CAMKMT: variants seen among roughly 807,000 people sequenced by gnomAD.
CAMKMT encodes the protein calmodulin-lysine N-methyltransferase.
CAMKMT carries 53 observed loss-of-function variants against 48.0 expected under a neutral mutation model. That is an observed-to-expected ratio of 1.10 (90% CI 0.89 to 1.39). The LOEUF is 1.39. Among genes scored for constraint, CAMKMT ranks in the 40% most tolerant of loss-of-function variants. The probability of loss-of-function intolerance (pLI) is 0.00; values close to 1 mark genes in which losing one functional copy is unlikely to be tolerated. For missense variants in CAMKMT, 428 were observed against 402.7 expected (o/e 1.06, Z -0.54); for synonymous variants, 165 against 152.3 (o/e 1.08, Z -0.61).
chr2:44,378,938 A>G (rs746548603), intron 2 of CAMKMT, among the ~76,000 whole-genome samples: 1 of 152,200 alleles, frequency 6.6e-6, no homozygotes, highest in Non-Finnish European at 1.5e-5. Flanking sequence ...AAAATTTGCT[A>G]TTTTAATCAC....
At chr2:44,753,088 T>C (rs1680217143) in intron 8 of CAMKMT, among the ~76,000 whole-genome samples, 1 of 151,258 alleles carries the variant, frequency 6.6e-6, no homozygotes, top group African/African-American at 2.4e-5. Flanking sequence ...AGATCAGGGA[T>C]GGAAAATGAA....
intron 7 of CAMKMT, among the ~76,000 whole-genome samples, chr2:44,740,507 A>G (rs1679617959): frequency 6.6e-6 from 1 of 152,190 alleles, no homozygotes; most frequent in Admixed American, 6.5e-5. Flanking sequence ...TAGTGTCAGA[A>G]TTTTGAAGGG....
intron 3 of CAMKMT, among the ~76,000 whole-genome samples, chr2:44,634,590 C>A (rs1673014413): frequency 6.6e-6 from 1 of 151,854 alleles, no homozygotes; most frequent in Admixed American, 6.6e-5. Flanking sequence ...GTGCTAGGTA[C>A]CATGCCAGGA....
At chr2:44,531,015 T>C (rs1666455384) in intron 3 of CAMKMT, among the ~76,000 whole-genome samples, 1 of 152,058 alleles carries the variant, frequency 6.6e-6, no homozygotes, top group Non-Finnish European at 1.5e-5. Context: ...TACATATATG[T>C]ATTAATAATT....
In CAMKMT at chr2:44,704,315, T is replaced by G; in HGVS notation, c.409T>G (p.Tyr137Asp). 3 of 1,610,812 alleles carry G rather than the reference T, an allele frequency of 1.9e-6. No homozygotes were observed. Among genetic ancestry groups the G allele is most frequent in the Non-Finnish European group, 2.5e-6 (3 of 1,178,222 alleles). The change falls in exon 4 of 11, where the codon TAC becomes GAC. Residue 137 changes from tyrosine to aspartate, a missense_variant. By Grantham distance (160) the Tyr-to-Asp change is radical (BLOSUM62 -3). Coordinates refer to ENST00000378494, the MANE Select transcript of CAMKMT (RefSeq NM_024766.5). The part of the protein sequence containing the change: ...IWPSEEVLAY[Y>D]CLKHNNIFRA... ...GCCATCTGAAGAGGTTTTGGCTTAC[T>G]ACTGCCTCAAGCACAATAATATATT...
intron 3 of CAMKMT, among the ~76,000 whole-genome samples, chr2:44,433,539 G>C (rs1684773865): frequency 6.6e-6 from 1 of 152,020 alleles, no homozygotes; most frequent in African/African-American, 2.4e-5. Context: ...ATGAGAATTT[G>C]TAACACTTTT....
intron 3 of CAMKMT, among the ~76,000 whole-genome samples, chr2:44,457,986 A>G (rs1321645313): frequency 3.3e-5 from 5 of 150,810 alleles, no homozygotes; most frequent in African/African-American, 9.8e-5. Flanking sequence ...TTTTGGAGTC[A>G]GATTAATCTG....
At chr2:44,610,713 A>C (rs1671548768) in intron 3 of CAMKMT, among the ~76,000 whole-genome samples, 1 of 152,242 alleles carries the variant, frequency 6.6e-6, no homozygotes. Context: ...AGAGTTCTTA[A>C]ACTTTTTGTG....
intron 3 of CAMKMT, among the ~76,000 whole-genome samples, chr2:44,492,375 A>T (rs1459691282): frequency 2.0e-5 from 3 of 152,176 alleles, no homozygotes; most frequent in African/African-American, 4.8e-5. Flanking sequence ...TTGATAGTCA[A>T]TACTTGTTTC....
intron 1 of CAMKMT, among the ~76,000 whole-genome samples, chr2:44,368,332 C>T (rs1183818872): frequency 6.6e-6 from 1 of 152,186 alleles, no homozygotes; most frequent in Non-Finnish European, 1.5e-5. Flanking sequence ...GTTCATTAAA[C>T]TACCAATATT....
At position 44,760,821 on chromosome 2, in the gene CAMKMT, G is replaced by C. The variant is rs144061863; in HGVS notation, c.763-5609G>C. 2.5e-3 allele frequency among the ~76,000 whole-genome samples: 377 copies of C among 152,248 alleles called. 3 individuals are homozygous for C. The highest frequency in any genetic ancestry group is 8.5e-3 in the African/African-American group (352 of 41,536). On this transcript the variant is annotated intron_variant, in intron 9 of 10. Coordinates refer to ENST00000378494, the MANE Select transcript of CAMKMT (RefSeq NM_024766.5). The stretch of plus-strand genomic sequence containing the variant: ...AGCAATGAAGCTCCTCAGAGGTCCA[G>C]TGTGGACCAATATCCACCTGGAATC...
chr2:44,624,029 G>C (rs577959711), intron 3 of CAMKMT, among the ~76,000 whole-genome samples: 2 of 152,196 alleles, frequency 1.3e-5, no homozygotes, highest in Non-Finnish European at 2.9e-5. Context: ...TACTACCACA[G>C]ATTTGTTCAT....
chr2:44,744,264 A>G (rs1679832275), intron 8 of CAMKMT, among the ~76,000 whole-genome samples: 1 of 152,222 alleles, frequency 6.6e-6, no homozygotes, highest in Non-Finnish European at 1.5e-5. Flanking sequence ...TTATAAAATT[A>G]CATTTTATTC....
intron 3 of CAMKMT, among the ~76,000 whole-genome samples, chr2:44,592,896 T>C (rs888987433): frequency 6.6e-6 from 1 of 152,196 alleles, no homozygotes; most frequent in Non-Finnish European, 1.5e-5. Flanking sequence ...TTCAGCTCTA[T>C]TGGGTGGTGT....
At chr2:44,625,034 G>C (rs1020322464) in intron 3 of CAMKMT, among the ~76,000 whole-genome samples, 11 of 152,148 alleles carry the variant, frequency 7.2e-5, no homozygotes, top group Non-Finnish European at 4.4e-5. Context: ...GGGTTTTATG[G>C]TATGTATGGT....
chr2:44,600,374 C>T lies in CAMKMT; in HGVS notation c.377-103909C>T, dbSNP rs1437841703. Among the ~76,000 whole-genome samples the T allele has an allele frequency of 2.0e-5, 3 of 151,926 alleles. 1 individual carries two copies. Among genetic ancestry groups the T allele is most frequent in the African/African-American group, 4.8e-5 (2 of 41,258 alleles). ...CTCAAACTCCTGGGCTCAGGTGATC[C>T]TCCCACCTCAGCCTTCCGAGTAGCT... On this transcript the variant is annotated intron_variant, in intron 3 of 10. Transcript: ENST00000378494.
chr2:44,408,583 G>C (rs1039810669), intron 3 of CAMKMT, among the ~76,000 whole-genome samples: 1 of 152,074 alleles, frequency 6.6e-6, no homozygotes, highest in Non-Finnish European at 1.5e-5. Context: ...AGGCCACTCA[G>C]CTAGTTTAAA....
chr2:44,480,060 T>C (rs1668888054), intron 3 of CAMKMT, among the ~76,000 whole-genome samples: 1 of 152,216 alleles, frequency 6.6e-6, no homozygotes, highest in Non-Finnish European at 1.5e-5. Flanking sequence ...ATTTTCTCCA[T>C]GTTCAGGAGC....
intron 1 of CAMKMT, among the ~76,000 whole-genome samples, chr2:44,364,573 ATGT>A (rs1678394197): frequency 6.6e-6 from 1 of 152,132 alleles, no homozygotes; most frequent in African/African-American, 2.4e-5. Context: ...TTTTTAGTAG[ATGT>A]TGTTCAGTGT....
Sources: gnomAD v4.1 joint callset for allele counts (sites outside exome capture counted in the v4.1 genomes callset) on GRCh38, gnomAD v4.1.1 for gene constraint, MANE v1.5 for transcripts, NCBI Gene and HGNC (gene_info 2026-07-23, HGNC 2026-07-21) for gene names.